Variants in CHD9 observed in about 807,000 individuals in gnomAD.
CHD9 encodes chromodomain helicase DNA binding protein 9, also known as ATP-dependent chromatin remodeler CHD9.
Under a neutral mutation model 316.1 loss-of-function variants are expected in CHD9, and 77 were observed. The observed-to-expected ratio is 0.24, with a 90% CI of 0.20 to 0.29. The LOEUF (loss-of-function observed/expected upper bound fraction) is 0.29, where lower values mean the gene tolerates loss of function less well. CHD9 is among the 10% of genes least tolerant of loss of function. The pLI, the probability that CHD9 is intolerant of heterozygous loss-of-function variation, is 1.00. For synonymous variants in CHD9, 1,129 were observed against 1,158.3 expected, an observed-to-expected ratio of 0.97 and a Z score of 0.51; for missense variants, 2,763 against 3,438.1, an observed-to-expected ratio of 0.80 and a Z score of 4.91.
chr16:53,221,874 C>G (rs2047267061), intron 3 of CHD9, among the ~76,000 whole-genome samples: 1 of 151,896 alleles, frequency 6.6e-6, no homozygotes, highest in African/African-American at 2.4e-5. Flanking sequence ...TAGGGGGATT[C>G]AAGGAATCAA....
intron 3 of CHD9, among the ~76,000 whole-genome samples, chr16:53,216,329 G>A (rs1264684296): frequency 6.6e-6 from 1 of 151,996 alleles, no homozygotes; most frequent in Non-Finnish European, 1.5e-5. Flanking sequence ...GCTATCTGTT[G>A]TCATTGTATA....
At chr16:53,098,775 A>C (rs1196284655) in intron 1 of CHD9, among the ~76,000 whole-genome samples, 1 of 152,112 alleles carries the variant, frequency 6.6e-6, no homozygotes, top group Non-Finnish European at 1.5e-5. Flanking sequence ...TATGCAAAAC[A>C]TCTGACGTTT....
Position 53,156,116 on chromosome 16 carries a change from T to A in CHD9, c.27T>A (p.Phe9Leu), listed in dbSNP as rs188735580. 1 of 1,613,188 alleles carries A rather than the reference T, an allele frequency of 6.2e-7. No individual in the cohort carries two copies. Among genetic ancestry groups the A allele is most frequent in the Non-Finnish European group, 8.5e-7 (1 of 1,179,556 alleles). The change falls in exon 2 of 39, where the codon TTT (phenylalanine) becomes TTA (leucine). Residue 9 changes from phenylalanine to leucine, a missense_variant. Phe to Leu is a conservative substitution (Grantham distance 22, BLOSUM62 0). This residue lies in a region of CHD9 where 859 missense variants were observed against 890.4 expected (regional missense o/e 0.96). Coordinates refer to ENST00000447540, the MANE Select transcript of CHD9 (RefSeq NM_001308319.2). ...TGACAGATCCAATGATGGACTTTTT[T>A]GATGATGCCAATCTTTTTGGTGAGA... MTDPMMDF[F>L]DDANLFGETL...
intron 2 of CHD9, among the ~76,000 whole-genome samples, chr16:53,187,024 A>G (rs1201198620): frequency 1.3e-5 from 2 of 152,230 alleles, no homozygotes; most frequent in African/African-American, 4.8e-5. Context: ...AAAATCCACA[A>G]TAAAATCTAT....
chr16:53,306,488 AG>A, intron 32 of CHD9, 91 bp downstream of exon 32: 1 of 1,075,904 alleles, frequency 9.3e-7, no homozygotes, highest in Non-Finnish European at 1.3e-6. Flanking sequence ...GTGGAAACAT[AG>A]GTCAGCGTAA....
At chr16:53,108,843 G>A (rs980848282) in intron 1 of CHD9, among the ~76,000 whole-genome samples, 3 of 151,258 alleles carry the variant, frequency 2.0e-5, no homozygotes, top group East Asian at 2.0e-4. Context: ...CCATTGCACC[G>A]AGATCGATCC....
At chr16:53,217,022 A>G (rs558687487) in intron 3 of CHD9, among the ~76,000 whole-genome samples, 112 of 152,134 alleles carry the variant, frequency 7.4e-4, no homozygotes, top group Non-Finnish European at 1.2e-3. Flanking sequence ...CTGTTAACCA[A>G]TCTGCAGACC....
At chr16:53,296,805 A>T (rs918015529) in intron 29 of CHD9, 151 bp from the exon 30 acceptor site, 6 of 574,930 alleles carry the variant, frequency 1.0e-5, no homozygotes, top group Non-Finnish European at 1.8e-5. Context: ...ACTAGCATTT[A>T]AAAATGTTTT....
chr16:53,319,636 T>C (rs1202129467), intron 37 of CHD9, among the ~76,000 whole-genome samples: 1 of 152,212 alleles, frequency 6.6e-6, no homozygotes, highest in Admixed American at 6.5e-5. Context: ...TTACTAAATA[T>C]TATGAATGAG....
intron 1 of CHD9, among the ~76,000 whole-genome samples, chr16:53,154,533 T>C (rs894507989): frequency 2.0e-5 from 3 of 152,168 alleles, no homozygotes; most frequent in Non-Finnish European, 4.4e-5. Flanking sequence ...GGGACCGGTT[T>C]CGTGGATGGG....
chr16:53,122,415 G>A (rs557979853), intron 1 of CHD9, among the ~76,000 whole-genome samples: 123 of 152,108 alleles, frequency 8.1e-4, no homozygotes, highest in African/African-American at 2.7e-3. Flanking sequence ...TATTTACTGC[G>A]GAACTAATTT....
intron 2 of CHD9, among the ~76,000 whole-genome samples, chr16:53,180,436 AT>A (rs1299724011): frequency 6.6e-6 from 1 of 152,202 alleles, no homozygotes; most frequent in Non-Finnish European, 1.5e-5. Flanking sequence ...ATCTCCTTAA[AT>A]TTATTTTATC....
At chr16:53,316,550 A>G (rs2056897567) in intron 36 of CHD9, among the ~76,000 whole-genome samples, 1 of 152,156 alleles carries the variant, frequency 6.6e-6, no homozygotes, top group Admixed American at 6.5e-5. Context: ...GATTTTGAAA[A>G]CATATTTTTA....
chr16:53,290,045 G>T (rs762051615), intron 27 of CHD9, among the ~76,000 whole-genome samples: 16 of 151,824 alleles, frequency 1.1e-4, no homozygotes, highest in Non-Finnish European at 1.8e-4. Flanking sequence ...AGGCCAAGGT[G>T]GGTGGATCAT....
At chr16:53,191,289 T>A (rs566261441) in intron 2 of CHD9, among the ~76,000 whole-genome samples, 3 of 152,276 alleles carry the variant, frequency 2.0e-5, no homozygotes, top group Admixed American at 2.0e-4. Flanking sequence ...TTTCTCATTC[T>A]TTCTTTTTTT....
At chr16:53,056,251 G>A (rs1462850131) in intron 1 of CHD9, among the ~76,000 whole-genome samples, 1 of 152,134 alleles carries the variant, frequency 6.6e-6, no homozygotes, top group Admixed American at 6.5e-5. Context: ...CCCCCCATAG[G>A]CAGCCCTTCC....
rs1321167973 is a variant in CHD9, at chr16:53,326,496, C to T, written c.*1601C>T. On this transcript the variant is annotated 3_prime_UTR_variant, in exon 39 of 39. Transcript: ENST00000447540. ...AATTATGTTTCTGTATGTAAAATAA[C>T]CCCTTATTAGAGAGACAGTGTTATA... The T allele has an allele frequency of 6.6e-6, 1 of 152,370 alleles. No individual in the cohort carries two copies. Among genetic ancestry groups the T allele is most frequent in the East Asian group, 1.9e-4 (1 of 5,194 alleles). The allele number at this position is 152,370 out of a possible 1,614,324, so 9.4% of individuals were successfully genotyped here.
rs557936166 is a variant in CHD9, at chr16:53,082,247, T to C, written c.-165+27170T>C. The stretch of plus-strand genomic sequence containing the variant: ...TTATTTATTTATTTATTTATTTATT[T>C]ATTCATGTATGTCAGCATCTTGCCC... On this transcript the variant is annotated intron_variant, in intron 1 of 38. Transcript: ENST00000447540. Among the ~76,000 whole-genome samples, 178 of 133,132 alleles carry C rather than the reference T, an allele frequency of 1.3e-3. 1 individual carries two copies. The highest frequency in any genetic ancestry group is 3.9e-3 in the Middle Eastern group (1 of 256). The allele number at this position is 133,132 out of a possible 152,430, so 87.3% of individuals were successfully genotyped here.
intron 3 of CHD9, among the ~76,000 whole-genome samples, chr16:53,213,820 A>C (rs1470285850): frequency 6.6e-6 from 1 of 152,164 alleles, no homozygotes; most frequent in East Asian, 1.9e-4. Context: ...ACATAAGTAG[A>C]ATGCTTTTGG....
Sources: allele counts gnomAD v4.1 joint callset (sites outside exome capture counted in the v4.1 genomes callset), GRCh38; gene constraint gnomAD v4.1.1; regional missense constraint gnomAD v4.1.1; transcripts MANE v1.5; gene names NCBI Gene and HGNC (gene_info 2026-07-23, HGNC 2026-07-21).